The following SCARB2 variants were observed in gnomAD, a reference collection of about 807,000 sequenced individuals.
The protein encoded by SCARB2 is scavenger receptor class B member 2.
SCARB2 carries 29 observed loss-of-function variants against 58.6 expected under a neutral mutation model. The observed-to-expected ratio is 0.49, with a 90% CI of 0.37 to 0.67. SCARB2 has a LOEUF of 0.67. Among genes scored for constraint, SCARB2 ranks in the 30% least tolerant of loss-of-function variants. SCARB2 has a pLI of 0.00. For missense variants in SCARB2, 488 were observed against 578.5 expected (o/e 0.84, Z 1.60); for synonymous variants, 195 against 210.1 (o/e 0.93, Z 0.62).
intron 3 of SCARB2, chr4:76,180,025 T>C: frequency 2.6e-6 from 1 of 389,810 alleles, no homozygotes. Context: ...TGGCGCTACC[T>C]TCCGCCTAAG....
chr4:76,166,464 T>G (rs1304442004), intron 9 of SCARB2, 163 bp from the exon 10 acceptor site: 1 of 718,784 alleles, frequency 1.4e-6, no homozygotes, highest in Non-Finnish European at 2.5e-6. Flanking sequence ...CCCCAAAAGT[T>G]AGATTCCAGT....
At chr4:76,174,043 C>A in intron 7 of SCARB2, 101 bp downstream of exon 7, 1 of 1,412,316 alleles carries the variant, frequency 7.1e-7, no homozygotes, top group Non-Finnish European at 1.0e-6. Flanking sequence ...GTAGCTGGGA[C>A]TGTAGGTGTG....
At position 76,198,471 on chromosome 4, in the gene SCARB2, T is replaced by C. The variant is rs149969547; in HGVS notation, c.118-2607A>G. On this transcript the variant is annotated intron_variant, in intron 1 of 11. Coordinates refer to ENST00000264896, the MANE Select transcript of SCARB2 (RefSeq NM_005506.4). ...TGACTTGAACTTGTTCCTCCAACTT[T>C]CAGGATAGAAATAAACATTTAGTAC... 3.8e-4 allele frequency among the ~76,000 whole-genome samples: 58 copies of C among 152,310 alleles called. No homozygotes were observed. In the East Asian group the frequency reaches 0.011, roughly 28 times the overall value.
At chr4:76,226,152 G>A (rs1337217211) in intron 1 of SCARB2, among the ~76,000 whole-genome samples, 1 of 152,124 alleles carries the variant, frequency 6.6e-6, no homozygotes, top group Non-Finnish European at 1.5e-5. Context: ...ACATACGGTG[G>A]GTCCAGGGAG....
intron 1 of SCARB2, among the ~76,000 whole-genome samples, chr4:76,231,406 T>C (rs1035161311): frequency 6.6e-6 from 1 of 152,206 alleles, no homozygotes; most frequent in African/African-American, 2.4e-5. Flanking sequence ...CAGGAACAAG[T>C]AGGATTAGTC....
At chr4:76,167,902 G>A (rs989315161) in intron 9 of SCARB2, among the ~76,000 whole-genome samples, 4 of 152,000 alleles carry the variant, frequency 2.6e-5, no homozygotes, top group Non-Finnish European at 4.4e-5. Flanking sequence ...GGATGGTCTT[G>A]ATCTCCTGAC....
intron 2 of SCARB2, among the ~76,000 whole-genome samples, chr4:76,186,450 G>C (rs993417392): frequency 6.6e-6 from 1 of 151,994 alleles, no homozygotes; most frequent in Non-Finnish European, 1.5e-5. Flanking sequence ...ACAGAGAAGA[G>C]GGAAAGCAAG....
chr4:76,167,668 T>TC (rs1476910281), intron 9 of SCARB2, among the ~76,000 whole-genome samples: 130 of 24,464 alleles, frequency 5.3e-3, no homozygotes, highest in Non-Finnish European at 7.7e-3. Flanking sequence ...TTTCCCTCCC[T>TC]CCCTCCCCCC....
At position 76,169,867 on chromosome 4, in the gene SCARB2, A is replaced by T; in HGVS notation, c.1113T>A (p.Pro371=). The change falls in exon 8 of 12, where the codon CCT becomes CCA. Residue 371 remains proline, a splice_region_variant and synonymous_variant. Coordinates refer to ENST00000264896, the MANE Select transcript of SCARB2 (RefSeq NM_005506.4). ...TTACCAGGAGGAAGTATGTACTCAC[A>T]GGATTAATGTCCACAAATGTCTCAT... ...EDHETFVDIN[P]LTGIILKAAK... 1.2e-6 allele frequency: 2 copies of T among 1,605,842 alleles called. No homozygotes were observed. The highest frequency in any genetic ancestry group is 1.7e-6 in the Non-Finnish European group (2 of 1,172,450).
intron 1 of SCARB2, among the ~76,000 whole-genome samples, chr4:76,208,919 C>T (rs1276833947): frequency 1.3e-5 from 2 of 152,316 alleles, no homozygotes; most frequent in Middle Eastern, 3.4e-3. Flanking sequence ...TTAGTGATTA[C>T]ACCAGCACAA....
intron 2 of SCARB2, among the ~76,000 whole-genome samples, chr4:76,185,215 A>C (rs545886707): frequency 1.3e-5 from 2 of 152,360 alleles, no homozygotes; most frequent in African/African-American, 4.8e-5. Flanking sequence ...GGAGGAGAGG[A>C]AATTTCAAAG....
chr4:76,198,841 A>AGTGTGTGTGTGTGTGT (rs10545527), intron 1 of SCARB2, among the ~76,000 whole-genome samples: 2 of 141,116 alleles, frequency 1.4e-5, no homozygotes, highest in East Asian at 2.1e-4. Flanking sequence ...AGAGTGAGTG[A>AGTGTGTGTGTGTGTGT]GTGTGTGTGT....
chr4:76,198,703 C>A (rs924117472), intron 1 of SCARB2, among the ~76,000 whole-genome samples: 1 of 152,154 alleles, frequency 6.6e-6, no homozygotes, highest in African/African-American at 2.4e-5. Flanking sequence ...CCCTTTTACT[C>A]CCTTCAAATC....
At chr4:76,207,684 T>C (rs1406815749) in intron 1 of SCARB2, among the ~76,000 whole-genome samples, 6 of 152,204 alleles carry the variant, frequency 3.9e-5, no homozygotes, top group Non-Finnish European at 5.9e-5. Context: ...GCCAGGAATG[T>C]CTAGTAACTT....
intron 1 of SCARB2, among the ~76,000 whole-genome samples, chr4:76,202,693 G>A (rs1477227591): frequency 1.3e-5 from 2 of 152,166 alleles, no homozygotes; most frequent in African/African-American, 4.8e-5. Flanking sequence ...CCACACTATC[G>A]CTGTTAACAT....
At chr4:76,166,104 T>C in intron 10 of SCARB2, 146 bp downstream of exon 10, 1 of 837,590 alleles carries the variant, frequency 1.2e-6, no homozygotes, top group Non-Finnish European at 2.1e-6. Context: ...CATGTGAACA[T>C]TTAAGTGAAA....
chr4:76,174,254 T>C lies in SCARB2; in HGVS notation c.884A>G (p.Tyr295Cys). 2 of 1,614,200 alleles carry C rather than the reference T, an allele frequency of 1.2e-6. No individual in the cohort carries two copies. Among genetic ancestry groups the C allele is most frequent in the Non-Finnish European group, 1.7e-6 (2 of 1,180,004 alleles). Residue 295 changes from tyrosine (Y) to cysteine (C), a missense_variant, in exon 7 of 12, where the codon TAT becomes TGT. By Grantham distance (194) the Tyr-to-Cys change is radical (BLOSUM62 -2). Coordinates refer to ENST00000264896, the MANE Select transcript of SCARB2 (RefSeq NM_005506.4). ...GGCTAATATTTCTGCAGGAACTTTA[T>C]ACCGAAAGGCAGGCAGTCCCTGTAC... ...ESVQGLPAFR[Y>C]KVPAEILANT...
In SCARB2 at chr4:76,166,193, T is replaced by C. The variant is rs900577765; in HGVS notation, c.1239+57A>G. ...CATGTAACTACAACAGTAGACATCATAATGGATTTTTTCTGAGTCTGAAAA... is the reference window on the plus strand; with the variant it reads ...CATGTAACTACAACAGTAGACATCACAATGGATTTTTTCTGAGTCTGAAAA... On this transcript the variant is annotated intron_variant, in intron 10 of 11. Coordinates refer to ENST00000264896, the MANE Select transcript of SCARB2 (RefSeq NM_005506.4). 101 of 1,521,230 alleles carry C rather than the reference T, an allele frequency of 6.6e-5. 2 individuals carry two copies. Among genetic ancestry groups the C allele is most frequent in the South Asian group, 5.7e-4 (51 of 89,176 alleles). The allele number at this position is 1,521,230 out of a possible 1,614,324, so 94.2% of individuals were successfully genotyped here. A position where few individuals can be genotyped will look rare whatever the true frequency, so the allele number is the denominator to read the frequency against.
chr4:76,211,078 G>A (rs779863803), intron 1 of SCARB2, among the ~76,000 whole-genome samples: 1 of 152,216 alleles, frequency 6.6e-6, no homozygotes, highest in Non-Finnish European at 1.5e-5. Context: ...TTCTGTGCCT[G>A]ATACTATGCT....
Sources: gnomAD v4.1 joint callset for allele counts (sites outside exome capture counted in the v4.1 genomes callset) on GRCh38, gnomAD v4.1.1 for gene constraint, MANE v1.5 for transcripts, NCBI Gene and HGNC (gene_info 2026-07-23, HGNC 2026-07-21) for gene names.